The following ZFR2 variants were observed in gnomAD, a reference collection of about 807,000 sequenced individuals.
ZFR2 encodes the protein zinc finger RNA binding protein 2.
In ZFR2, 104 loss-of-function variants were observed where a neutral mutation model predicts 105.7. The observed-to-expected ratio is 0.98, with a 90% CI of 0.84 to 1.16. The LOEUF (loss-of-function observed/expected upper bound fraction) is 1.16, where lower values mean the gene tolerates loss of function less well. Among genes scored for constraint, ZFR2 ranks in the 50% most tolerant of loss-of-function variants. The pLI is 0.00. For missense variants in ZFR2, 1,425 were observed against 1,355.5 expected (o/e 1.05, Z -0.80); for synonymous variants, 634 against 597.7 (o/e 1.06, Z -0.89).
chr19:3,865,073 C>G (rs2038414595), intron 1 of ZFR2, among the ~76,000 whole-genome samples: 2 of 152,100 alleles, frequency 1.3e-5, no homozygotes, highest in Admixed American at 1.3e-4. Flanking sequence ...ATTAAAAGCA[C>G]TGCTGCATTC....
intron 6 of ZFR2, 36 bp from the exon 7 acceptor site, chr19:3,825,443 C>A: frequency 6.5e-7 from 1 of 1,529,232 alleles, no homozygotes; most frequent in Non-Finnish European, 8.7e-7. Context: ...GCGTGAGGGC[C>A]GCTCCCAGCC....
intron 2 of ZFR2, 38 bp from the exon 3 acceptor site, chr19:3,833,816 G>A: frequency 6.6e-7 from 1 of 1,511,446 alleles, no homozygotes; most frequent in East Asian, 2.5e-5. Flanking sequence ...ACAGAGAACG[G>A]AGGAGAGCAG....
In ZFR2 at chr19:3,831,564, G is replaced by A; in HGVS notation, c.599-8C>T. 1 of 1,559,150 alleles carries A rather than the reference G, an allele frequency of 6.4e-7. No homozygotes were observed. The highest frequency in any genetic ancestry group is 8.7e-7 in the Non-Finnish European group (1 of 1,151,612). On this transcript the variant is annotated splice_polypyrimidine_tract_variant and splice_region_variant and intron_variant, in intron 4 of 18. Coordinates refer to ENST00000262961, the MANE Select transcript of ZFR2 (RefSeq NM_015174.2). Reference sequence around the variant, plus strand: ...AGTTCGGGTAGCTTGGTGCTGAGCAGCAGAGAAAACAATGAGTCGGGGGGA... The same window carrying A: ...AGTTCGGGTAGCTTGGTGCTGAGCAACAGAGAAAACAATGAGTCGGGGGGA...
Position 3,823,291 on chromosome 19 carries a change from C to T in ZFR2, c.1326G>A (p.Ala442=), listed in dbSNP as rs560022413. The T allele has an allele frequency of 2.7e-5, 44 of 1,613,996 alleles. No homozygotes were observed. The highest frequency in any genetic ancestry group is 1.1e-4 in the South Asian group (10 of 91,086). ...PTQGGSKEAP[A]GCSDAQPVGP... ...CCACCGGCTGCGCATCAGAGCAGCC[C>T]GCGGGAGCTTCCTTTGAGCCTCCTT... The change falls in exon 8 of 19, where the codon GCG becomes GCA. Residue 442 remains alanine (A), a synonymous_variant. Coordinates refer to ENST00000262961, the MANE Select transcript of ZFR2 (RefSeq NM_015174.2). The surrounding 1 kb of genome is among the most constrained non-coding windows in gnomAD (Gnocchi z 5.4).
chr19:3,812,146 G>C (rs932352947), intron 14 of ZFR2, among the ~76,000 whole-genome samples: 15 of 152,090 alleles, frequency 9.9e-5, no homozygotes, highest in Non-Finnish European at 1.8e-4. Context: ...GTTTCACCGT[G>C]TTGGCCAGGC....
intron 5 of ZFR2, among the ~76,000 whole-genome samples, chr19:3,830,717 A>C (rs2038002651): frequency 1.3e-5 from 2 of 152,090 alleles, no homozygotes; most frequent in Admixed American, 6.6e-5. Context: ...TAAAAACAAA[A>C]GAAGATCAGG....
At chr19:3,820,430 G>A in intron 10 of ZFR2, 140 bp from the exon 11 acceptor site, 1 of 801,214 alleles carries the variant, frequency 1.2e-6, no homozygotes, top group Non-Finnish European at 1.9e-6. Flanking sequence ...TGCACTGCAT[G>A]GGTGCCTGCT....
In ZFR2 at chr19:3,809,131, GC is replaced by G. The variant is rs2037735270; in HGVS notation, c.2434-149del. ...CACTGAACTTCCGCCGAGGAGGGCT[GC>G]CCGTGGCAGGGCTCTGCCACCTCCT... On this transcript the variant is annotated intron_variant, in intron 16 of 18. Coordinates refer to ENST00000262961, the MANE Select transcript of ZFR2 (RefSeq NM_015174.2). 1.6e-5 allele frequency: 9 copies of G among 573,578 alleles called. No homozygotes were observed. In the East Asian group the frequency reaches 3.0e-4, roughly 19 times the overall value. The allele number at this position is 573,578 out of a possible 1,614,324, so 35.5% of individuals were successfully genotyped here.
intron 7 of ZFR2, among the ~76,000 whole-genome samples, chr19:3,824,448 A>G (rs1238051638): frequency 6.6e-6 from 1 of 152,212 alleles, no homozygotes; most frequent in African/African-American, 2.4e-5. Context: ...CAGGGAAGGT[A>G]GGGTCACAGG....
chr19:3,820,582 A>G (rs981763158), intron 10 of ZFR2, among the ~76,000 whole-genome samples: 3 of 152,096 alleles, frequency 2.0e-5, no homozygotes, highest in Non-Finnish European at 4.4e-5. Flanking sequence ...CTGCTGCTGG[A>G]CACACCAGAG....
At chr19:3,830,990 CG>C (rs999034938) in intron 5 of ZFR2, among the ~76,000 whole-genome samples, 19 of 152,290 alleles carry the variant, frequency 1.2e-4, no homozygotes, top group African/African-American at 4.6e-4. Context: ...CATACACACA[CG>C]CTTGCACACA....
chr19:3,867,728 T>C (rs538879990), intron 1 of ZFR2, among the ~76,000 whole-genome samples: 3 of 152,010 alleles, frequency 2.0e-5, no homozygotes, highest in Non-Finnish European at 4.4e-5. Context: ...TCCCACATAA[T>C]ACTGGCTTCC....
In ZFR2 at chr19:3,805,863, G is replaced by A. The variant is rs772214343; in HGVS notation, c.*86C>T. On this transcript the variant is annotated 3_prime_UTR_variant, in exon 19 of 19. Coordinates refer to ENST00000262961, the MANE Select transcript of ZFR2 (RefSeq NM_015174.2). ...CAAAAGGAAATGACCATTGTCCAAC[G>A]TCGGGGATGAAGCAGCCATTGGTCG... The A allele has an allele frequency of 1.5e-6, 2 of 1,373,478 alleles. No individual in the cohort carries two copies. Among genetic ancestry groups the A allele is most frequent in the South Asian group, 1.5e-5 (1 of 67,272 alleles). The allele number at this position is 1,373,478 out of a possible 1,614,324, so 85.1% of individuals were successfully genotyped here. A position where few individuals can be genotyped will look rare whatever the true frequency, so the allele number is the denominator to read the frequency against.
rs779712508 is a variant in ZFR2, at chr19:3,816,732, T to TCGGAG, written c.2040_2044dup (p.Glu682AlafsTer24). ...CCGCAGCAGGCTGTGCGTGGGCTTC[T>TCGGAG]CGGAGCAGAGCAGAGCGAGGCGCAC... On this transcript the variant is annotated frameshift_variant, in exon 13 of 19. Coordinates refer to ENST00000262961, the MANE Select transcript of ZFR2 (RefSeq NM_015174.2). LOFTEE classifies it high-confidence loss of function. The TCGGAG allele has an allele frequency of 7.4e-6, 12 of 1,612,438 alleles. No homozygotes were observed. In the East Asian group the frequency reaches 8.9e-5, roughly 12 times the overall value.
In ZFR2 at chr19:3,816,654, G is replaced by A. The variant is rs1351076161; in HGVS notation, c.2103+20C>T. On this transcript the variant is annotated intron_variant, in intron 13 of 18. Coordinates refer to ENST00000262961, the MANE Select transcript of ZFR2 (RefSeq NM_015174.2). ...GCAGCCAGACGCCAGAAGCAGCGATGAGCAGGGCCCTGACCTTACCTGGAG... is the reference window on the plus strand; with the variant it reads ...GCAGCCAGACGCCAGAAGCAGCGATAAGCAGGGCCCTGACCTTACCTGGAG... 6.3e-6 allele frequency: 10 copies of A among 1,587,150 alleles called. No homozygotes were observed. The highest frequency in any genetic ancestry group is 8.6e-6 in the Non-Finnish European group (10 of 1,162,060).
chr19:3,852,260 G>A, intron 1 of ZFR2: 1 of 589,700 alleles, frequency 1.7e-6, no homozygotes, highest in South Asian at 2.0e-5. Flanking sequence ...TGGCCAGATG[G>A]GGCTCAGCTG....
chr19:3,809,033 C>T, intron 16 of ZFR2, 50 bp from the exon 17 acceptor site: 2 of 1,433,804 alleles, frequency 1.4e-6, no homozygotes. Context: ...GCGGCAGCCC[C>T]TGCCTGCCCG....
intron 1 of ZFR2, among the ~76,000 whole-genome samples, chr19:3,853,883 G>A (rs1359259419): frequency 1.3e-5 from 2 of 151,812 alleles, no homozygotes; most frequent in Admixed American, 1.3e-4. Context: ...AGACCAGCCT[G>A]GGCAACACAG....
chr19:3,805,706 C>T lies in ZFR2; in HGVS notation c.*243G>A, dbSNP rs1197407140. On this transcript the variant is annotated 3_prime_UTR_variant, in exon 19 of 19. Transcript: ENST00000262961. ...ATTTTGGAGAGATGGGGGTCTCACT[C>T]TGTTGTCTGGGCTGGCCTTGAACTC... 2 of 441,586 alleles carry T rather than the reference C, an allele frequency of 4.5e-6. No homozygotes were observed. Among genetic ancestry groups the T allele is most frequent in the Non-Finnish European group, 7.9e-6 (2 of 253,688 alleles). The allele number at this position is 441,586 out of a possible 1,614,324, so 27.4% of individuals were successfully genotyped here. A position where few individuals can be genotyped will look rare whatever the true frequency, so the allele number is the denominator to read the frequency against.
Sources: allele counts gnomAD v4.1 joint callset (sites outside exome capture counted in the v4.1 genomes callset), GRCh38; gene constraint gnomAD v4.1.1; non-coding constraint Gnocchi (gnomAD v3.1); transcripts MANE v1.5; gene names NCBI Gene and HGNC (gene_info 2026-07-23, HGNC 2026-07-21).